AFF3: variants seen among roughly 807,000 people sequenced by gnomAD.
AFF3 encodes the protein ALF transcription elongation factor 3, also known as AF4/FMR2 family member 3.
Under a neutral mutation model 129.7 loss-of-function variants are expected in AFF3, and 32 were observed. That is an observed-to-expected ratio of 0.25 (90% CI 0.19 to 0.33). AFF3 has a LOEUF of 0.33. AFF3 is among the 10% of genes least tolerant of loss of function. The pLI is 1.00. For synonymous variants in AFF3, 644 were observed against 635.4 expected (o/e 1.01, Z -0.20); for missense variants, 1,373 against 1,592.0 (o/e 0.86, Z 2.34).
intron 22 of AFF3, 106 bp from the exon 23 acceptor site, chr2:99,554,838 T>C (rs1674772608): frequency 7.4e-7 from 1 of 1,355,348 alleles, no homozygotes; most frequent in African/African-American, 1.4e-5. Context: ...AGGCAGACAC[T>C]GCAGGAAAAA....
At chr2:99,853,801 G>T (rs1430133497) in intron 7 of AFF3, among the ~76,000 whole-genome samples, 1 of 152,054 alleles carries the variant, frequency 6.6e-6, no homozygotes, top group South Asian at 2.1e-4. Flanking sequence ...TAAAAAATGG[G>T]CAACATAGCA....
intron 5 of AFF3, 81 bp downstream of exon 5, chr2:100,008,731 A>G: frequency 6.6e-7 from 1 of 1,516,460 alleles, no homozygotes; most frequent in Non-Finnish European, 8.9e-7. Flanking sequence ...TTGGTCGGCC[A>G]ATTCTTTTAG....
At chr2:99,955,727 T>G (rs1322159872) in intron 7 of AFF3, among the ~76,000 whole-genome samples, 1 of 152,234 alleles carries the variant, frequency 6.6e-6, no homozygotes, top group Non-Finnish European at 1.5e-5. Context: ...GCCAAATTTT[T>G]TATACAAGTT....
chr2:99,904,180 T>C (rs1694548493), intron 7 of AFF3, among the ~76,000 whole-genome samples: 1 of 152,158 alleles, frequency 6.6e-6, no homozygotes, highest in South Asian at 2.1e-4. Flanking sequence ...TTGATCTCCA[T>C]GTATAAATGC....
At chr2:99,662,267 C>T (rs1167912899) in intron 12 of AFF3, among the ~76,000 whole-genome samples, 2 of 152,018 alleles carry the variant, frequency 1.3e-5, no homozygotes, top group African/African-American at 2.4e-5. Flanking sequence ...ACTTCATATA[C>T]GGATATGAAA....
chr2:100,095,880 C>T (rs1302068567), intron 4 of AFF3, among the ~76,000 whole-genome samples: 2 of 152,170 alleles, frequency 1.3e-5, no homozygotes, highest in African/African-American at 4.8e-5. Flanking sequence ...ACTCAGGGTA[C>T]TCCGGTAACG....
At chr2:99,650,585 A>T (rs1367009211) in intron 12 of AFF3, among the ~76,000 whole-genome samples, 5 of 151,986 alleles carry the variant, frequency 3.3e-5, no homozygotes, top group Non-Finnish European at 5.9e-5. Flanking sequence ...AAATAAAAAA[A>T]TTTAAAAAAT....
chr2:99,846,023 G>T (rs558186003), intron 7 of AFF3, among the ~76,000 whole-genome samples: 2 of 151,552 alleles, frequency 1.3e-5, no homozygotes, highest in African/African-American at 4.9e-5. Flanking sequence ...TAGTAGAGAC[G>T]GGGTTTCACC....
At chr2:100,080,743 C>G (rs1259361797) in intron 4 of AFF3, among the ~76,000 whole-genome samples, 1 of 152,116 alleles carries the variant, frequency 6.6e-6, no homozygotes, top group Non-Finnish European at 1.5e-5. Flanking sequence ...GCCAAAGGAC[C>G]TGGATAGTGA....
At chr2:100,113,492 G>C (rs921350674) in intron 2 of AFF3, among the ~76,000 whole-genome samples, 3 of 152,180 alleles carry the variant, frequency 2.0e-5, no homozygotes, top group African/African-American at 7.2e-5. Context: ...GAGAAGTGCA[G>C]GTACTCAGGG....
At chr2:100,079,211 G>C (rs1459799555) in intron 4 of AFF3, among the ~76,000 whole-genome samples, 1 of 152,130 alleles carries the variant, frequency 6.6e-6, no homozygotes, top group African/African-American at 2.4e-5. Context: ...CTCCCAAAGT[G>C]CTGGGATTAC....
chr2:99,959,233 A>G (rs1438796130), intron 7 of AFF3, among the ~76,000 whole-genome samples: 1 of 151,772 alleles, frequency 6.6e-6, no homozygotes, highest in Non-Finnish European at 1.5e-5. Context: ...AGTAGTTTGA[A>G]TCCTAATAAA....
At chr2:99,704,549 C>T (rs1433737741) in intron 11 of AFF3, among the ~76,000 whole-genome samples, 1 of 152,144 alleles carries the variant, frequency 6.6e-6, no homozygotes, top group Admixed American at 6.5e-5. Context: ...GAGTTGAGGC[C>T]TATTCTCAAG....
intron 11 of AFF3, among the ~76,000 whole-genome samples, chr2:99,724,069 T>A (rs1390622971): frequency 2.6e-5 from 4 of 152,084 alleles, no homozygotes; most frequent in African/African-American, 9.7e-5. Flanking sequence ...TTTCGCCACC[T>A]ACTTGCTGGT....
chr2:99,807,731 C>T (rs1441993175), intron 8 of AFF3, among the ~76,000 whole-genome samples: 1 of 152,208 alleles, frequency 6.6e-6, no homozygotes. Flanking sequence ...GGGGACCAGG[C>T]ACAGTTCCTG....
rs572435750 is a variant in AFF3 at position 99,659,844 on chromosome 2, C to T, written c.1144-10178G>A. ...TCCTAGCACAAAAAAGACCTGTGTG[C>T]GCAGAAACCGCTGCTTCGTGGTCCA... On this transcript the variant is annotated intron_variant, in intron 12 of 24. Coordinates refer to ENST00000672756, the MANE Select transcript of AFF3 (RefSeq NM_001386135.1). Among the ~76,000 whole-genome samples, 51 of 152,186 alleles carry T rather than the reference C, an allele frequency of 3.4e-4. No homozygotes were observed. In the South Asian group the frequency reaches 4.2e-3, roughly 12 times the overall value.
intron 13 of AFF3, among the ~76,000 whole-genome samples, chr2:99,613,103 A>G (rs755916902): frequency 6.6e-6 from 1 of 152,204 alleles, no homozygotes; most frequent in Non-Finnish European, 1.5e-5. Flanking sequence ...ATGACTATTC[A>G]TGTATTACTG....
chr2:99,715,507 TA>T (rs566716717), intron 11 of AFF3, among the ~76,000 whole-genome samples: 4 of 152,194 alleles, frequency 2.6e-5, no homozygotes, highest in Non-Finnish European at 5.9e-5. Flanking sequence ...GGTCTGAGCT[TA>T]TAACAGTTAT....
intron 7 of AFF3, among the ~76,000 whole-genome samples, chr2:99,970,200 T>G (rs1678219093): frequency 6.6e-6 from 1 of 152,198 alleles, no homozygotes; most frequent in South Asian, 2.1e-4. Flanking sequence ...AGACTGGGGT[T>G]GTCCGTGTAC....
Sources: allele counts gnomAD v4.1 joint callset (sites outside exome capture counted in the v4.1 genomes callset), GRCh38; gene constraint gnomAD v4.1.1; transcripts MANE v1.5; gene names NCBI Gene and HGNC (gene_info 2026-07-23, HGNC 2026-07-21).